The following RFX3 variants were observed in gnomAD, a reference collection of about 807,000 sequenced individuals.
The protein encoded by RFX3 is transcription factor RFX3.
A neutral mutation model predicts 98.6 loss-of-function variants in RFX3; 14 were observed. The ratio of observed to expected loss-of-function variants is 0.14; its 90% CI spans 0.09 to 0.22. The LOEUF (loss-of-function observed/expected upper bound fraction) is 0.22, where lower values mean the gene tolerates loss of function less well. Among genes scored for constraint, RFX3 ranks in the 10% least tolerant of loss-of-function variants. The pLI is 1.00. For synonymous variants in RFX3, 383 were observed against 328.4 expected (o/e 1.17, Z -1.80); for missense variants, 639 against 926.9 (o/e 0.69, Z 4.03).
intron 1 of RFX3, among the ~76,000 whole-genome samples, chr9:3,425,128 C>A (rs530922065): frequency 1.3e-5 from 2 of 152,254 alleles, no homozygotes; most frequent in East Asian, 3.9e-4. Context: ...GTCCCAGCTA[C>A]TTGGGAGGCT....
rs751118867 is a variant in RFX3 at position 3,223,570 on chromosome 9, T to G, written c.*1472A>C. The G allele has an allele frequency of 1.3e-5, 2 of 152,262 alleles. No individual in the cohort carries two copies. Among genetic ancestry groups the G allele is most frequent in the Non-Finnish European group, 2.9e-5 (2 of 68,050 alleles). 9.4% of individuals were successfully genotyped at this position (152,262 alleles called of 1,614,324 possible). A position where few individuals can be genotyped will look rare whatever the true frequency, so the allele number is the denominator to read the frequency against. Reference sequence around the variant, plus strand: ...TGCTATTCCACACCCTTAAGCAATCTGATTTGTAATCAAGTAATATTCAGC... The same window carrying G: ...TGCTATTCCACACCCTTAAGCAATCGGATTTGTAATCAAGTAATATTCAGC... On this transcript the variant is annotated 3_prime_UTR_variant, in exon 17 of 17. Coordinates refer to ENST00000617270, the MANE Select transcript of RFX3 (RefSeq NM_001282116.2).
At chr9:3,327,372 C>T (rs577039782) in intron 4 of RFX3, among the ~76,000 whole-genome samples, 113 of 152,176 alleles carry the variant, frequency 7.4e-4, no homozygotes, top group African/African-American at 2.6e-3. Context: ...GAATCACAAC[C>T]TCACTGTGAG....
Position 3,296,813 on chromosome 9 carries a change from A to G in RFX3, c.550-3555T>C, listed in dbSNP as rs181620025. On this transcript the variant is annotated intron_variant, in intron 5 of 16. Transcript: ENST00000617270. ...GCAGGTCCCAGCTAGGAAGACTGCCAAAAACTAACCCACCTCGGGCTAGAT... is the reference window on the plus strand; with the variant it reads ...GCAGGTCCCAGCTAGGAAGACTGCCGAAAACTAACCCACCTCGGGCTAGAT... 5.9e-4 allele frequency among the ~76,000 whole-genome samples: 90 copies of G among 152,194 alleles called. 1 individual carries two copies. The highest frequency in any genetic ancestry group is 5.8e-3 in the Admixed American group (89 of 15,250).
chr9:3,425,512 C>T (rs79096097), intron 1 of RFX3, among the ~76,000 whole-genome samples: 6,819 of 152,186 alleles, frequency 0.045, 526 homozygotes, highest in African/African-American at 0.15. Flanking sequence ...TTCTCTGTAC[C>T]ATATCGTTCC....
At chr9:3,516,169 C>A (rs1818144478) in intron 1 of RFX3, among the ~76,000 whole-genome samples, 1 of 152,150 alleles carries the variant, frequency 6.6e-6, no homozygotes, top group African/African-American at 2.4e-5. Flanking sequence ...TCACCTCAGC[C>A]TCCCGAGTAG....
Position 3,301,411 on chromosome 9 carries a change from A to G in RFX3, c.549+135T>C, listed in dbSNP as rs1828645935. The G allele has an allele frequency of 9.3e-6, 5 of 537,896 alleles. No homozygotes were observed. The East Asian group carries it at 1.4e-4, about 15-fold the overall frequency. 33.3% of individuals were successfully genotyped at this position (537,896 alleles called of 1,614,324 possible). A position where few individuals can be genotyped will look rare whatever the true frequency, so the allele number is the denominator to read the frequency against. On this transcript the variant is annotated intron_variant, in intron 5 of 16. Transcript: ENST00000617270. ...GTACAAAATAGCCATTAAATGACAC[A>G]GAGATCATAAGGGGCTGAGAAGGGA...
At chr9:3,377,631 AT>A in intron 2 of RFX3, among the ~76,000 whole-genome samples, 1 of 152,208 alleles carries the variant, frequency 6.6e-6, no homozygotes, top group Non-Finnish European at 1.5e-5. Context: ...TTTATTGGAA[AT>A]TCAAATAAAA....
chr9:3,304,246 T>C (rs1158650210), intron 4 of RFX3, among the ~76,000 whole-genome samples: 4 of 152,034 alleles, frequency 2.6e-5, no homozygotes, highest in Non-Finnish European at 4.4e-5. Flanking sequence ...TTATATTCAT[T>C]TTAAAAATTT....
chr9:3,402,929 C>G (rs189770764), intron 1 of RFX3, among the ~76,000 whole-genome samples: 1 of 151,648 alleles, frequency 6.6e-6, no homozygotes, highest in African/African-American at 2.4e-5. Context: ...CAAAAAAACA[C>G]CTAAGGACAT....
chr9:3,234,227 T>C (rs1424474591), intron 15 of RFX3, among the ~76,000 whole-genome samples: 1 of 152,194 alleles, frequency 6.6e-6, no homozygotes, highest in African/African-American at 2.4e-5. Flanking sequence ...ATGGTAAATA[T>C]TTTACGCTTT....
At chr9:3,389,358 TA>T (rs1364504740) in intron 2 of RFX3, among the ~76,000 whole-genome samples, 1 of 152,164 alleles carries the variant, frequency 6.6e-6, no homozygotes, top group African/African-American at 2.4e-5. Context: ...TTTCTAGTCA[TA>T]TTCTATAGAG....
At chr9:3,256,128 C>T (rs1482806429) in intron 14 of RFX3, among the ~76,000 whole-genome samples, 4 of 152,084 alleles carry the variant, frequency 2.6e-5, no homozygotes, top group East Asian at 1.9e-4. Context: ...AACCATGCCC[C>T]GCTAATTTTG....
At chr9:3,267,083 CTATTT>C (rs1194080644) in intron 11 of RFX3, among the ~76,000 whole-genome samples, 1 of 151,918 alleles carries the variant, frequency 6.6e-6, no homozygotes, top group Non-Finnish European at 1.5e-5. Flanking sequence ...ATGACTATGA[CTATTT>C]TATAAGAAAA....
intron 14 of RFX3, 109 bp downstream of exon 14, chr9:3,256,882 A>G (rs1660691699): frequency 9.8e-7 from 1 of 1,019,654 alleles, no homozygotes; most frequent in Non-Finnish European, 1.5e-6. Flanking sequence ...TCCACAAACT[A>G]AAGTCTTTAT....
At position 3,494,174 on chromosome 9, in the gene RFX3, G is replaced by T. The variant is rs537384282; in HGVS notation, c.-9+31573C>A. 3.3e-5 allele frequency among the ~76,000 whole-genome samples: 5 copies of T among 152,226 alleles called. No homozygotes were observed. The South Asian group carries it at 1.0e-3, about 32-fold the overall frequency. ...TATAGAAAAAAAGACTGGTAAAGTG[G>T]CTCTAGAGACAGAGTACCTGGCTGA... On this transcript the variant is annotated intron_variant, in intron 1 of 16. Coordinates refer to ENST00000617270, the MANE Select transcript of RFX3 (RefSeq NM_001282116.2).
intron 15 of RFX3, among the ~76,000 whole-genome samples, chr9:3,240,130 C>G (rs908030592): frequency 6.6e-6 from 1 of 152,206 alleles, no homozygotes; most frequent in African/African-American, 2.4e-5. Context: ...TCAATATTTT[C>G]TGGTATGGAA....
At chr9:3,272,466 G>T (rs1490844522) in intron 9 of RFX3, among the ~76,000 whole-genome samples, 1 of 152,152 alleles carries the variant, frequency 6.6e-6, no homozygotes, top group Non-Finnish European at 1.5e-5. Flanking sequence ...ATAAAATGTT[G>T]CAAGTAGTTA....
chr9:3,517,194 CT>C (rs1320439858), intron 1 of RFX3, among the ~76,000 whole-genome samples: 1 of 152,162 alleles, frequency 6.6e-6, no homozygotes, highest in Non-Finnish European at 1.5e-5. Context: ...TTGGAAAGGG[CT>C]TTAGAAATCC....
intron 2 of RFX3, among the ~76,000 whole-genome samples, chr9:3,385,742 C>G (rs985008640): frequency 2.0e-5 from 3 of 150,266 alleles, no homozygotes; most frequent in African/African-American, 7.3e-5. Flanking sequence ...CCTTGCAATT[C>G]AACTCTGGGA....
Sources: gnomAD v4.1 joint callset for allele counts (sites outside exome capture counted in the v4.1 genomes callset) on GRCh38, gnomAD v4.1.1 for gene constraint, MANE v1.5 for transcripts, NCBI Gene and HGNC (gene_info 2026-07-23, HGNC 2026-07-21) for gene names.